The following RAB18 variants were observed in gnomAD, a reference collection of about 807,000 sequenced individuals.
The protein encoded by RAB18 is RAB18, member RAS oncogene family.
Under a neutral mutation model 28.5 loss-of-function variants are expected in RAB18, and 10 were observed. That is an observed-to-expected ratio of 0.35 (90% CI 0.22 to 0.60). The LOEUF (loss-of-function observed/expected upper bound fraction) is 0.60. RAB18 is among the 20% of genes least tolerant of loss of function. The pLI is 0.78. For missense variants in RAB18, 188 were observed against 244.2 expected (o/e 0.77, Z 1.53); for synonymous variants, 93 against 86.9 (o/e 1.07, Z -0.39).
chr10:27,507,873 A>G (rs924257419), intron 1 of RAB18, among the ~76,000 whole-genome samples: 1 of 151,888 alleles, frequency 6.6e-6, no homozygotes, highest in Non-Finnish European at 1.5e-5. Flanking sequence ...CCATGCCTCT[A>G]AAAAAATAAA....
intron 3 of RAB18, among the ~76,000 whole-genome samples, chr10:27,527,578 T>TA (rs1834702249): frequency 6.7e-6 from 1 of 148,962 alleles, no homozygotes; most frequent in East Asian, 2.0e-4. Context: ...ATATGATCGG[T>TA]TATATATATA....
chr10:27,505,175 T>G (rs11015826), intron 1 of RAB18: 20,006 of 530,474 alleles, frequency 0.038, 1,797 homozygotes, highest in East Asian at 0.32. Context: ...ATATTGACAG[T>G]GGAGTTGAGT....
rs78270485 is a variant in RAB18, at chr10:27,541,180, C to T, written c.*3129C>T. 4,308 of 453,878 alleles carry T rather than the reference C, an allele frequency of 9.5e-3. 172 individuals carry two copies. The highest frequency in any genetic ancestry group is 0.077 in the African/African-American group (3,829 of 49,996). The allele number at this position is 453,878 out of a possible 1,614,324, so 28.1% of individuals were successfully genotyped here. On this transcript the variant is annotated 3_prime_UTR_variant, in exon 7 of 7. Coordinates refer to ENST00000356940, the MANE Select transcript of RAB18 (RefSeq NM_021252.5). ...TAAGTATAGGGGTAAAAACGTTATT[C>T]AGCTTTCAGAAGACATTGTTCTGAC...
chr10:27,528,057 G>T (rs1417520505), intron 3 of RAB18, among the ~76,000 whole-genome samples: 3 of 151,986 alleles, frequency 2.0e-5, no homozygotes, highest in African/African-American at 7.2e-5. Flanking sequence ...AAGAATGTTG[G>T]CTTTTTCCAT....
chr10:27,508,444 T>TTAC lies in RAB18; in HGVS notation c.69-1431_69-1430insTAC, dbSNP rs1244648114. Among the ~76,000 whole-genome samples, 101 of 82,416 alleles carry TTAC rather than the reference T, an allele frequency of 1.2e-3. No individual in the cohort carries two copies. In the Middle Eastern group the frequency reaches 0.02, roughly 17 times the overall value. 54.1% of individuals were successfully genotyped at this position (82,416 alleles called of 152,430 possible). A position where few individuals can be genotyped will look rare whatever the true frequency, so the allele number is the denominator to read the frequency against. Reference sequence around the variant, plus strand: ...ACAACTAGTCTACAAGGTAATCTTATGTTTTTGTAGTAATATTTTCTGTGG... The same window carrying TTAC: ...ACAACTAGTCTACAAGGTAATCTTATTACGTTTTTGTAGTAATATTTTCTGTGG... On this transcript the variant is annotated intron_variant, in intron 1 of 6. Transcript: ENST00000356940.
At position 27,534,011 on chromosome 10, in the gene RAB18, A is replaced by T; in HGVS notation, c.445+17A>T. On this transcript the variant is annotated intron_variant, in intron 6 of 6. Coordinates refer to ENST00000356940, the MANE Select transcript of RAB18 (RefSeq NM_021252.5). ...TATTTATAGGTAGGTGTGTGAATGA[A>T]TATCTGTCCTTTCATTATTAATGAG... is the stretch of plus-strand genomic sequence containing the variant. 1.9e-6 allele frequency: 3 copies of T among 1,570,844 alleles called. No homozygotes were observed. The South Asian group carries it at 3.3e-5, about 17-fold the overall frequency.
intron 2 of RAB18, among the ~76,000 whole-genome samples, chr10:27,521,941 A>G (rs1390005479): frequency 7.9e-5 from 12 of 151,884 alleles, no homozygotes; most frequent in Admixed American, 7.9e-4. Flanking sequence ...GGGGAGACGC[A>G]TGGAAGCTCC....
chr10:27,507,840 C>G (rs2505305), intron 1 of RAB18, among the ~76,000 whole-genome samples: 49,683 of 151,198 alleles, frequency 0.33, 8,209 homozygotes, highest in Admixed American at 0.37. Context: ...GAGTCCGAGA[C>G]CAGCTTGGGC....
At chr10:27,533,361 A>ATT (rs145212014) in intron 4 of RAB18, among the ~76,000 whole-genome samples, 8 of 149,486 alleles carry the variant, frequency 5.4e-5, no homozygotes, top group African/African-American at 2.0e-4. Flanking sequence ...ACATTCATGT[A>ATT]TTTTTTTTTT....
chr10:27,523,938 G>C (rs1021031321), intron 2 of RAB18, among the ~76,000 whole-genome samples: 34 of 151,954 alleles, frequency 2.2e-4, no homozygotes, highest in Middle Eastern at 3.4e-3. Flanking sequence ...AATTAGCCGG[G>C]CGTGGTGGCA....
chr10:27,539,612 CTT>C lies in RAB18; in HGVS notation c.*1562_*1563del, dbSNP rs1423559417. ...GTGATTTGTTCATGTTATATTAAAA[CTT>C]GAGATTTGTGTATTTATGTAGAGTC... On this transcript the variant is annotated 3_prime_UTR_variant, in exon 7 of 7. Transcript: ENST00000356940. The C allele has an allele frequency of 2.2e-6, 1 of 448,970 alleles. No individual in the cohort carries two copies. Among genetic ancestry groups the C allele is most frequent in the Non-Finnish European group, 4.4e-6 (1 of 225,458 alleles). The allele number at this position is 448,970 out of a possible 1,614,324, so 27.8% of individuals were successfully genotyped here. A position where few individuals can be genotyped will look rare whatever the true frequency, so the allele number is the denominator to read the frequency against.
rs1834935925 is a variant in RAB18 at position 27,538,000 on chromosome 10, G to A, written c.570G>A (p.Arg190=). ...NQNKGVKLSH[R]EEGQGGGACG... is the part of the protein sequence containing the mutation. The stretch of plus-strand genomic sequence containing the variant: ...ATAAAGGAGTCAAACTGTCACACAG[G>A]GAAGAAGGCCAAGGAGGAGGAGCCT... The change falls in exon 7 of 7, where the codon AGG becomes AGA. Residue 190 remains arginine (R), a synonymous_variant. Transcript: ENST00000356940. 1.9e-6 allele frequency: 3 copies of A among 1,614,114 alleles called. No individual in the cohort carries two copies. In the African/African-American group the frequency reaches 4.0e-5, roughly 22 times the overall value.
At position 27,504,435 on chromosome 10, in the gene RAB18, C is replaced by CAGGTGAGGCGG; in HGVS notation, c.68+4_68+14dup. 2 of 1,564,364 alleles carry CAGGTGAGGCGG rather than the reference C, an allele frequency of 1.3e-6. No homozygotes were observed. Among genetic ancestry groups the CAGGTGAGGCGG allele is most frequent in the Non-Finnish European group, 1.7e-6 (2 of 1,153,712 alleles). On this transcript the variant is annotated stop_gained and frameshift_variant and splice_region_variant, in exon 1 of 7. Coordinates refer to ENST00000356940, the MANE Select transcript of RAB18 (RefSeq NM_021252.5). LOFTEE classifies it high-confidence loss of function. ...TCGGCGAGAGTGGGGTGGGCAAGTCCAGGTGAGGCGGAGGTGCGGGTCGTG... is the reference window on the plus strand; with the variant it reads ...TCGGCGAGAGTGGGGTGGGCAAGTCCAGGTGAGGCGGAGGTGAGGCGGAGGTGCGGGTCGTG...
intron 2 of RAB18, among the ~76,000 whole-genome samples, chr10:27,519,560 A>AT (rs1834505758): frequency 6.6e-6 from 1 of 152,236 alleles, no homozygotes; most frequent in South Asian, 2.1e-4. Flanking sequence ...AAGATGAAAA[A>AT]TTTAAATACA....
chr10:27,534,209 T>G (rs1834847617), intron 6 of RAB18, among the ~76,000 whole-genome samples: 1 of 152,178 alleles, frequency 6.6e-6, no homozygotes, highest in Non-Finnish European at 1.5e-5. Flanking sequence ...TAAAAAACAG[T>G]CAAATCATTC....
intron 4 of RAB18, among the ~76,000 whole-genome samples, chr10:27,532,957 T>C (rs1834818004): frequency 6.6e-6 from 1 of 152,236 alleles, no homozygotes; most frequent in African/African-American, 2.4e-5. Context: ...ATCTGCTTTA[T>C]TAGTCCTAAA....
At chr10:27,528,294 C>G (rs1257055043) in intron 3 of RAB18, 1 of 496,274 alleles carries the variant, frequency 2.0e-6, no homozygotes, top group East Asian at 5.6e-5. Flanking sequence ...TACCATAGGC[C>G]TATAAACATT....
chr10:27,521,155 G>A (rs1164771884), intron 2 of RAB18, among the ~76,000 whole-genome samples: 2 of 151,824 alleles, frequency 1.3e-5, no homozygotes, highest in African/African-American at 4.8e-5. Context: ...CAGAAAAATG[G>A]TTTGCATGAT....
chr10:27,525,827 T>G (rs1834660969), intron 2 of RAB18, among the ~76,000 whole-genome samples: 1 of 152,258 alleles, frequency 6.6e-6, no homozygotes, highest in Non-Finnish European at 1.5e-5. Context: ...TACAAATATA[T>G]TTCCATATTG....
Sources: gnomAD v4.1 joint callset for allele counts (sites outside exome capture counted in the v4.1 genomes callset) on GRCh38, gnomAD v4.1.1 for gene constraint, MANE v1.5 for transcripts, NCBI Gene and HGNC (gene_info 2026-07-23, HGNC 2026-07-21) for gene names.